The following MYT1L variants were observed in gnomAD, a reference collection of about 807,000 sequenced individuals.
MYT1L encodes the protein myelin transcription factor 1-like protein.
A neutral mutation model predicts 126.7 loss-of-function variants in MYT1L; 12 were observed. The observed-to-expected ratio is 0.09, with a 90% CI of 0.06 to 0.15. The LOEUF (loss-of-function observed/expected upper bound fraction) is 0.15. MYT1L is among the 10% of genes least tolerant of loss of function. The pLI, the probability that MYT1L is intolerant of heterozygous loss-of-function variation, is 1.00. For synonymous variants in MYT1L, 541 were observed against 604.2 expected (o/e 0.90, Z 1.53); for missense variants, 979 against 1,585.2 (o/e 0.62, Z 6.49).
intron 18 of MYT1L, among the ~76,000 whole-genome samples, chr2:1,873,441 T>C (rs954197944): frequency 2.0e-5 from 3 of 152,224 alleles, no homozygotes; most frequent in Admixed American, 2.0e-4. Context: ...TCCGAGGCTG[T>C]ACATGGAGAG....
At chr2:1,844,977 C>CTTT (rs34390205) in intron 19 of MYT1L, among the ~76,000 whole-genome samples, 2 of 133,138 alleles carry the variant, frequency 1.5e-5, no homozygotes, top group Non-Finnish European at 3.2e-5. Context: ...ATCCATCTTC[C>CTTT]TTTTTTTTTT....
rs780620543 is a variant in MYT1L at position 1,848,774 on chromosome 2, C to T, written c.2774+2867G>A. Among the ~76,000 whole-genome samples, 7 of 152,202 alleles carry T rather than the reference C, an allele frequency of 4.6e-5. No individual in the cohort carries two copies. The highest frequency in any genetic ancestry group is 1.9e-4 in the East Asian group (1 of 5,152). On this transcript the variant is annotated intron_variant, in intron 19 of 24. Transcript: ENST00000647738. The surrounding 1 kb of genome is among the most constrained non-coding windows in gnomAD (Gnocchi z 4.8). ...TGCTGGGGCCTCCATCTTCCTTTAG[C>T]GGGGGCTTTATGTAAGGACTGTCAC...
At chr2:2,168,445 C>T (rs1572082336) in intron 3 of MYT1L, among the ~76,000 whole-genome samples, 1 of 152,240 alleles carries the variant, frequency 6.6e-6, no homozygotes, top group Admixed American at 6.5e-5. Flanking sequence ...TTTCACACTT[C>T]ATACACTTAC....
chr2:2,005,528 AGGCATTCTTTCC>A (rs781437285), intron 4 of MYT1L, among the ~76,000 whole-genome samples: 9 of 139,704 alleles, frequency 6.4e-5, no homozygotes, highest in Admixed American at 1.5e-4. Flanking sequence ...TCTTTCCTGC[AGGCATTCTTTCC>A]TGAATATGTT....
intron 1 of MYT1L, among the ~76,000 whole-genome samples, chr2:2,311,597 C>T (rs1322633144): frequency 1.3e-5 from 2 of 152,234 alleles, no homozygotes; most frequent in African/African-American, 4.8e-5. Context: ...GGTTGGCCTC[C>T]GTGTGAACAG....
chr2:2,170,915 G>C (rs1264014790), intron 3 of MYT1L, among the ~76,000 whole-genome samples: 1 of 152,198 alleles, frequency 6.6e-6, no homozygotes, highest in Non-Finnish European at 1.5e-5. Context: ...TGAATGAAGA[G>C]AGTGAGGACT....
intron 2 of MYT1L, among the ~76,000 whole-genome samples, chr2:2,239,609 T>C (rs535250304): frequency 1.3e-5 from 2 of 152,358 alleles, no homozygotes; most frequent in South Asian, 4.1e-4. Context: ...TGTGATGCCA[T>C]GCCGTCAACC....
intron 2 of MYT1L, among the ~76,000 whole-genome samples, chr2:2,187,513 G>A (rs1572278754): frequency 6.6e-6 from 1 of 151,778 alleles, no homozygotes; most frequent in African/African-American, 2.4e-5. Context: ...ATTGATGAGC[G>A]GCAGAGGGAG....
chr2:2,060,353 T>A (rs1398761670), intron 3 of MYT1L, among the ~76,000 whole-genome samples: 5 of 152,240 alleles, frequency 3.3e-5, no homozygotes, highest in Non-Finnish European at 1.5e-5. Flanking sequence ...ATATTCATGA[T>A]ATATGAAAAA....
At chr2:1,812,604 G>A (rs908442839) in intron 21 of MYT1L, among the ~76,000 whole-genome samples, 1 of 152,244 alleles carries the variant, frequency 6.6e-6, no homozygotes, top group Non-Finnish European at 1.5e-5. Flanking sequence ...TTAGCCGGGC[G>A]CGGTGGTTCA....
At chr2:2,295,701 G>GAC (rs2095673962) in intron 1 of MYT1L, among the ~76,000 whole-genome samples, 1 of 132,424 alleles carries the variant, frequency 7.6e-6, no homozygotes, top group Non-Finnish European at 1.7e-5. Context: ...GAGAGAGAGA[G>GAC]AGACAGACAG....
chr2:2,057,214 CTCT>C (rs932269772), intron 3 of MYT1L, among the ~76,000 whole-genome samples: 5 of 152,156 alleles, frequency 3.3e-5, no homozygotes, highest in Admixed American at 3.3e-4. Context: ...GCAAGAGTTC[CTCT>C]GTGTCCTTTT....
chr2:2,151,348 G>C (rs2085752786), intron 3 of MYT1L, among the ~76,000 whole-genome samples: 1 of 152,040 alleles, frequency 6.6e-6, no homozygotes, highest in Non-Finnish European at 1.5e-5. Flanking sequence ...GTAAGTACAT[G>C]CAGCTTACTT....
At chr2:2,177,904 G>A (rs949296024) in intron 2 of MYT1L, among the ~76,000 whole-genome samples, 28 of 152,312 alleles carry the variant, frequency 1.8e-4, no homozygotes, top group African/African-American at 5.8e-4. Context: ...ATGTGCATGT[G>A]TGTGAATACA....
At chr2:2,289,322 C>A (rs1573213707) in intron 1 of MYT1L, among the ~76,000 whole-genome samples, 2 of 152,224 alleles carry the variant, frequency 1.3e-5, no homozygotes, top group East Asian at 3.9e-4. Flanking sequence ...AATTTTTAGG[C>A]TTTTATGATT....
intron 12 of MYT1L, 80 bp downstream of exon 12, chr2:1,911,940 G>T: frequency 8.8e-7 from 1 of 1,130,026 alleles, no homozygotes. Flanking sequence ...CATATGGAGC[G>T]TGGTAGGCCC....
In MYT1L at chr2:1,910,149, A is replaced by T; in HGVS notation, c.1817+91T>A. On this transcript the variant is annotated intron_variant, in intron 13 of 24. Transcript: ENST00000647738. The surrounding 1 kb of genome is among the most constrained non-coding windows in gnomAD (Gnocchi z 4.8). ...CTCCAGTCCCTGCCCCTGCTGCTGTAGGGACATGCCCTGAGCGGGTGTCCC... is the reference window on the plus strand; with the variant it reads ...CTCCAGTCCCTGCCCCTGCTGCTGTTGGGACATGCCCTGAGCGGGTGTCCC... The T allele has an allele frequency of 8.5e-7, 1 of 1,176,756 alleles. No individual in the cohort carries two copies. The highest frequency in any genetic ancestry group is 1.2e-6 in the Non-Finnish European group (1 of 815,692). 72.9% of individuals were successfully genotyped at this position (1,176,756 alleles called of 1,614,324 possible).
At chr2:2,115,146 G>T (rs1450521589) in intron 3 of MYT1L, among the ~76,000 whole-genome samples, 3 of 152,206 alleles carry the variant, frequency 2.0e-5, no homozygotes, top group African/African-American at 7.2e-5. Flanking sequence ...CCTCCTGACA[G>T]GTGATCTGTT....
At position 2,161,486 on chromosome 2, in the gene MYT1L, G is replaced by C. The variant is rs537269555; in HGVS notation, c.-304+11386C>G. On this transcript the variant is annotated intron_variant, in intron 3 of 24. Transcript: ENST00000647738. ...CAATGAAACAAGTGAGGCCACTCTG[G>C]GAGCCTGAAGATGTATATTTGGGGC... Among the ~76,000 whole-genome samples the C allele has an allele frequency of 5.9e-5, 9 of 152,322 alleles. No homozygotes were observed. The East Asian group carries it at 1.2e-3, about 20-fold the overall frequency.
Sources: gnomAD v4.1 joint callset for allele counts (sites outside exome capture counted in the v4.1 genomes callset) on GRCh38, gnomAD v4.1.1 for gene constraint, Gnocchi (gnomAD v3.1) non-coding constraint, MANE v1.5 for transcripts, NCBI Gene and HGNC (gene_info 2026-07-23, HGNC 2026-07-21) for gene names.